Variants in CNTN1 observed in about 807,000 individuals in gnomAD.
CNTN1 encodes the protein contactin 1.
In CNTN1, 38 loss-of-function variants were observed where a neutral mutation model predicts 126.4. The observed-to-expected ratio is 0.30, with a 90% CI of 0.23 to 0.39. The LOEUF is 0.39. CNTN1 is among the 10% of genes least tolerant of loss of function. The probability of loss-of-function intolerance (pLI) is 1.00; values close to 1 mark genes in which losing one functional copy is unlikely to be tolerated. For missense variants in CNTN1, 1,009 were observed against 1,248.4 expected, an observed-to-expected ratio of 0.81 and a Z score of 2.89; for synonymous variants, 413 against 422.6, an observed-to-expected ratio of 0.98 and a Z score of 0.28.
At chr12:40,829,376 G>A (rs1941729934) in intron 1 of CNTN1, among the ~76,000 whole-genome samples, 1 of 151,612 alleles carries the variant, frequency 6.6e-6, no homozygotes, top group Non-Finnish European at 1.5e-5. Flanking sequence ...ATAATATATA[G>A]GTATATCTAC....
At chr12:40,759,789 T>C (rs1323197917) in intron 1 of CNTN1, among the ~76,000 whole-genome samples, 4 of 151,538 alleles carry the variant, frequency 2.6e-5, no homozygotes, top group African/African-American at 9.7e-5. Flanking sequence ...TTTTTTTTTT[T>C]TTTTCAAAAA....
intron 1 of CNTN1, among the ~76,000 whole-genome samples, chr12:40,722,014 G>A (rs777659878): frequency 2.6e-5 from 4 of 151,836 alleles, no homozygotes; most frequent in Admixed American, 6.6e-5. Context: ...ATAAACATAC[G>A]TGTGCATGTG....
At chr12:40,704,558 T>A (rs1941687124) in intron 1 of CNTN1, among the ~76,000 whole-genome samples, 1 of 152,178 alleles carries the variant, frequency 6.6e-6, no homozygotes, top group Non-Finnish European at 1.5e-5. Context: ...TTAAAAGCCA[T>A]AAAAATTCAC....
intron 6 of CNTN1, among the ~76,000 whole-genome samples, chr12:40,925,563 ATATATACG>A (rs1423810511): frequency 9.4e-4 from 138 of 146,180 alleles, no homozygotes; most frequent in African/African-American, 3.2e-3. Context: ...ATATACACGT[ATATATACG>A]TATATACGTA....
chr12:41,069,885 G>T, intron 23 of CNTN1, 74 bp from the exon 24 acceptor site: 1 of 1,225,478 alleles, frequency 8.2e-7, no homozygotes, highest in Non-Finnish European at 1.2e-6. Context: ...TCTCGCCTTA[G>T]CTGAAGCAGA....
At chr12:41,006,161 T>A (rs1248503790) in intron 17 of CNTN1, among the ~76,000 whole-genome samples, 1 of 152,242 alleles carries the variant, frequency 6.6e-6, no homozygotes, top group Non-Finnish European at 1.5e-5. Context: ...GTAGACTAGC[T>A]TCTGCAAGAT....
chr12:40,809,814 T>TCTCACACA (rs1422228531), intron 1 of CNTN1, among the ~76,000 whole-genome samples: 6 of 146,744 alleles, frequency 4.1e-5, no homozygotes, highest in Admixed American at 6.8e-5. Flanking sequence ...AGACTCTGTC[T>TCTCACACA]CACACACACA....
At chr12:40,934,556 T>A (rs10467178) in intron 9 of CNTN1, among the ~76,000 whole-genome samples, 5,372 of 151,920 alleles carry the variant, frequency 0.035, 308 homozygotes, top group African/African-American at 0.12. Flanking sequence ...ACTGAAATAA[T>A]TTCTATAATG....
At chr12:40,744,228 A>G (rs934889058) in intron 1 of CNTN1, among the ~76,000 whole-genome samples, 3 of 151,970 alleles carry the variant, frequency 2.0e-5, no homozygotes, top group Non-Finnish European at 2.9e-5. Context: ...GCAGCAAACC[A>G]CCATGACACA....
intron 1 of CNTN1, among the ~76,000 whole-genome samples, chr12:40,888,302 T>A (rs904219757): frequency 6.6e-6 from 1 of 152,222 alleles, no homozygotes; most frequent in Non-Finnish European, 1.5e-5. Flanking sequence ...ACTGTGATAG[T>A]GTTACCCATT....
At chr12:40,920,828 CTA>C (rs1945415460) in intron 4 of CNTN1, among the ~76,000 whole-genome samples, 1 of 152,176 alleles carries the variant, frequency 6.6e-6, no homozygotes, top group African/African-American at 2.4e-5. Flanking sequence ...TAGCAATAGT[CTA>C]TGTTTCTGAA....
chr12:41,013,159 G>A (rs1009623144), intron 17 of CNTN1, among the ~76,000 whole-genome samples: 4 of 152,142 alleles, frequency 2.6e-5, no homozygotes, highest in South Asian at 2.1e-4. Flanking sequence ...TACATAGTGC[G>A]TGGGGAAGGT....
chr12:41,056,689 T>C (rs1349975894), intron 23 of CNTN1, among the ~76,000 whole-genome samples: 2 of 151,914 alleles, frequency 1.3e-5, no homozygotes, highest in Non-Finnish European at 2.9e-5. Context: ...ACATGATTCT[T>C]GGAGGAGGAA....
At chr12:41,033,471 T>C (rs993341209) in intron 23 of CNTN1, among the ~76,000 whole-genome samples, 2 of 152,138 alleles carry the variant, frequency 1.3e-5, no homozygotes, top group African/African-American at 4.8e-5. Flanking sequence ...TTTAATTATT[T>C]GTAGTGAGCA....
At chr12:40,694,616 C>G (rs1941400818) in intron 1 of CNTN1, among the ~76,000 whole-genome samples, 1 of 152,100 alleles carries the variant, frequency 6.6e-6, no homozygotes, top group Non-Finnish European at 1.5e-5. Context: ...TTATTCGGTT[C>G]TAGTCTGACA....
chr12:40,802,902 T>C (rs1166883635), intron 1 of CNTN1, among the ~76,000 whole-genome samples: 1 of 152,046 alleles, frequency 6.6e-6, no homozygotes, highest in Non-Finnish European at 1.5e-5. Flanking sequence ...CTGTTTTGCT[T>C]TGACTAGACC....
At chr12:40,959,070 G>A (rs1947006844) in intron 14 of CNTN1, 44 bp from the exon 15 acceptor site, 2 of 1,609,982 alleles carry the variant, frequency 1.2e-6, no homozygotes, top group East Asian at 2.2e-5. Flanking sequence ...CACATAATTG[G>A]TGAAAAATGT....
chr12:40,808,223 T>A (rs1246055750), intron 1 of CNTN1, among the ~76,000 whole-genome samples: 1 of 152,178 alleles, frequency 6.6e-6, no homozygotes, highest in African/African-American at 2.4e-5. Flanking sequence ...AAAAACACTA[T>A]GTTTTGGGGT....
intron 1 of CNTN1, among the ~76,000 whole-genome samples, chr12:40,790,309 C>T (rs1391445796): frequency 2.0e-5 from 3 of 152,050 alleles, no homozygotes; most frequent in Admixed American, 1.3e-4. Context: ...CAACTTCCAG[C>T]GGTGGGCAGT....
Sources: allele counts gnomAD v4.1 joint callset (sites outside exome capture counted in the v4.1 genomes callset), GRCh38; gene constraint gnomAD v4.1.1; transcripts MANE v1.5; gene names NCBI Gene and HGNC (gene_info 2026-07-23, HGNC 2026-07-21).